MARCHF4: variants seen among roughly 807,000 people sequenced by gnomAD.
The protein encoded by MARCHF4 is membrane associated ring-CH-type finger 4.
MARCHF4 carries 14 observed loss-of-function variants against 43.9 expected under a neutral mutation model. The ratio of observed to expected loss-of-function variants is 0.32; its 90% CI spans 0.21 to 0.50. MARCHF4 has a LOEUF of 0.50. Ranked by LOEUF, MARCHF4 falls within the 20% of genes least tolerant of loss-of-function variation. The probability of loss-of-function intolerance (pLI) is 0.98; values close to 1 mark genes in which losing one functional copy is unlikely to be tolerated. For synonymous variants in MARCHF4, 226 were observed against 213.3 expected (o/e 1.06, Z -0.52); for missense variants, 468 against 536.7 (o/e 0.87, Z 1.27).
intron 1 of MARCHF4, among the ~76,000 whole-genome samples, chr2:216,366,137 T>G (rs910164193): frequency 6.6e-6 from 1 of 152,210 alleles, no homozygotes; most frequent in African/African-American, 2.4e-5. Flanking sequence ...ACTGCTCTTA[T>G]AGTATTGACT....
intron 1 of MARCHF4, among the ~76,000 whole-genome samples, chr2:216,368,087 T>C (rs749410496): frequency 6.6e-6 from 1 of 152,198 alleles, no homozygotes; most frequent in Admixed American, 6.5e-5. Flanking sequence ...GAGACAAGAA[T>C]GCTCTTGCCA....
intron 3 of MARCHF4, among the ~76,000 whole-genome samples, chr2:216,264,099 G>A (rs183823921): frequency 4.6e-5 from 7 of 152,238 alleles, no homozygotes; most frequent in South Asian, 2.1e-4. Flanking sequence ...TGCAAATCTC[G>A]GAGACCAGAG....
chr2:216,307,924 C>T (rs2105954196), intron 1 of MARCHF4, among the ~76,000 whole-genome samples: 1 of 152,234 alleles, frequency 6.6e-6, no homozygotes, highest in East Asian at 1.9e-4. Flanking sequence ...GGCATGGTGG[C>T]ATGCATCTAT....
Position 216,336,295 on chromosome 2 carries a change from G to T in MARCHF4, c.516+33450C>A, listed in dbSNP as rs75363260. ...TTTTTGTTTAAAATGACAACATTCT[G>T]GTGTCTAATGAGGAAATACACTTTT... On this transcript the variant is annotated intron_variant, in intron 1 of 3. Transcript: ENST00000273067. Among the ~76,000 whole-genome samples the T allele has an allele frequency of 2.7e-3, 414 of 152,062 alleles. 7 individuals are homozygous for T. Among genetic ancestry groups the T allele is most frequent in the Admixed American group, 0.022 (335 of 15,270 alleles).
chr2:216,347,356 G>A (rs1045943315), intron 1 of MARCHF4, among the ~76,000 whole-genome samples: 2 of 152,172 alleles, frequency 1.3e-5, no homozygotes, highest in African/African-American at 4.8e-5. Flanking sequence ...AAATAGAATG[G>A]AGAAAATAAA....
chr2:216,267,979 G>A (rs1401924421), intron 3 of MARCHF4, among the ~76,000 whole-genome samples: 2 of 152,168 alleles, frequency 1.3e-5, no homozygotes, highest in Admixed American at 6.5e-5. Flanking sequence ...AGGAGGCCCC[G>A]GGTGGGTGGG....
intron 1 of MARCHF4, among the ~76,000 whole-genome samples, chr2:216,302,881 A>G (rs7556839): frequency 0.089 from 12,602 of 142,098 alleles, 2,114 homozygotes; most frequent in African/African-American, 0.33. Flanking sequence ...CTGGGTGACA[A>G]GGTGAGACTC....
At chr2:216,264,861 T>C (rs1159453927) in intron 3 of MARCHF4, among the ~76,000 whole-genome samples, 1 of 152,158 alleles carries the variant, frequency 6.6e-6, no homozygotes, top group East Asian at 1.9e-4. Context: ...GTGAAGAAGG[T>C]GGACCTGTTT....
At chr2:216,328,372 G>T (rs112904429) in intron 1 of MARCHF4, among the ~76,000 whole-genome samples, 4,374 of 152,192 alleles carry the variant, frequency 0.029, 204 homozygotes, top group African/African-American at 0.1. Flanking sequence ...TCACCATGTT[G>T]GCCAGAATGG....
rs1690699802 is a variant in MARCHF4, at chr2:216,259,197, C to T, written c.*115G>A. Reference sequence around the variant, plus strand: ...TCTGACACTACCCCAGGGCTCCCGCCAGGTCCCCCACCCTCTGCCTGCTCC... The same window carrying T: ...TCTGACACTACCCCAGGGCTCCCGCTAGGTCCCCCACCCTCTGCCTGCTCC... On this transcript the variant is annotated 3_prime_UTR_variant, in exon 4 of 4. Coordinates refer to ENST00000273067, the MANE Select transcript of MARCHF4 (RefSeq NM_020814.3). 6.8e-7 allele frequency: 1 copy of T among 1,459,930 alleles called. No homozygotes were observed. Among genetic ancestry groups the T allele is most frequent in the Non-Finnish European group, 9.1e-7 (1 of 1,103,650 alleles). The allele number at this position is 1,459,930 out of a possible 1,614,324, so 90.4% of individuals were successfully genotyped here. A position where few individuals can be genotyped will look rare whatever the true frequency, so the allele number is the denominator to read the frequency against.
intron 1 of MARCHF4, among the ~76,000 whole-genome samples, chr2:216,334,542 A>T (rs1473289746): frequency 6.6e-6 from 1 of 152,066 alleles, no homozygotes; most frequent in Non-Finnish European, 1.5e-5. Context: ...CTAAGACTAC[A>T]GTTGCAGGCC....
chr2:216,302,411 G>A (rs1691505818), intron 1 of MARCHF4, among the ~76,000 whole-genome samples: 1 of 145,994 alleles, frequency 6.8e-6, no homozygotes, highest in African/African-American at 2.5e-5. Flanking sequence ...TGTATTTTTA[G>A]TAGAGACGGG....
chr2:216,330,882 G>T (rs999105313), intron 1 of MARCHF4, among the ~76,000 whole-genome samples: 1 of 151,858 alleles, frequency 6.6e-6, no homozygotes, highest in Non-Finnish European at 1.5e-5. Flanking sequence ...GAAAGAACAA[G>T]GCTGAAATTC....
chr2:216,278,329 T>C (rs776097248), intron 2 of MARCHF4, among the ~76,000 whole-genome samples: 1 of 152,144 alleles, frequency 6.6e-6, no homozygotes, highest in South Asian at 2.1e-4. Context: ...GTTCACACCA[T>C]TCTCTTGCCT....
chr2:216,344,493 C>T (rs747107389), intron 1 of MARCHF4, among the ~76,000 whole-genome samples: 46 of 152,144 alleles, frequency 3.0e-4, no homozygotes, highest in Non-Finnish European at 4.6e-4. Context: ...TCACCACACA[C>T]GGACTTTATG....
At chr2:216,352,221 A>T (rs1692413401) in intron 1 of MARCHF4, among the ~76,000 whole-genome samples, 1 of 152,182 alleles carries the variant, frequency 6.6e-6, no homozygotes, top group Admixed American at 6.5e-5. Context: ...GATTGTTACC[A>T]TAGTGATCAC....
At chr2:216,322,796 A>T (rs1418667539) in intron 1 of MARCHF4, among the ~76,000 whole-genome samples, 3 of 152,052 alleles carry the variant, frequency 2.0e-5, no homozygotes, top group Non-Finnish European at 4.4e-5. Flanking sequence ...CACTACTGTC[A>T]CCTGGGCGAC....
chr2:216,300,342 ATATATATG>A (rs1574468306), intron 1 of MARCHF4, among the ~76,000 whole-genome samples: 2 of 136,796 alleles, frequency 1.5e-5, no homozygotes, highest in South Asian at 2.8e-4. Flanking sequence ...ATCTCGATAT[ATATATATG>A]TATATATATA....
intron 2 of MARCHF4, among the ~76,000 whole-genome samples, chr2:216,279,999 G>T (rs1348837203): frequency 6.6e-6 from 1 of 152,120 alleles, no homozygotes; most frequent in Non-Finnish European, 1.5e-5. Context: ...GGCCCAGAAA[G>T]CTTCTCTTCA....
Sources: allele counts gnomAD v4.1 joint callset (sites outside exome capture counted in the v4.1 genomes callset), GRCh38; gene constraint gnomAD v4.1.1; transcripts MANE v1.5; gene names NCBI Gene and HGNC (gene_info 2026-07-23, HGNC 2026-07-21).